Variants in SLC35E3 observed in about 807,000 individuals in gnomAD.
SLC35E3 encodes the protein solute carrier family 35 member E3.
SLC35E3 carries 28 observed loss-of-function variants against 30.8 expected under a neutral mutation model. That is an observed-to-expected ratio of 0.91 (90% CI 0.67 to 1.25). SLC35E3 has a LOEUF of 1.25. SLC35E3 is among the 50% of genes most tolerant of loss of function. The pLI is 0.00. For missense variants in SLC35E3, 365 were observed against 375.4 expected, an observed-to-expected ratio of 0.97 and a Z score of 0.23; for synonymous variants, 146 against 149.2, an observed-to-expected ratio of 0.98 and a Z score of 0.16.
In SLC35E3 at chr12:68,766,278, GGA is replaced by G. The variant is rs1198257995; in HGVS notation, c.*1390_*1391del. 1 of 151,916 alleles carries G rather than the reference GGA, an allele frequency of 6.6e-6. No individual in the cohort carries two copies. The highest frequency in any genetic ancestry group is 1.9e-4 in the East Asian group (1 of 5,136). 9.4% of individuals were successfully genotyped at this position (151,916 alleles called of 1,614,324 possible). On this transcript the variant is annotated 3_prime_UTR_variant, in exon 5 of 5. Coordinates refer to ENST00000398004, the MANE Select transcript of SLC35E3 (RefSeq NM_018656.5). ...GAGGCAGGCAGATCACCTGAGGTTG[GGA>G]GTTCAAGACCAGTCTGACCAACATG...
intron 2 of SLC35E3, among the ~76,000 whole-genome samples, chr12:68,750,297 G>A (rs915505751): frequency 3.9e-5 from 6 of 152,212 alleles, no homozygotes; most frequent in African/African-American, 1.4e-4. Flanking sequence ...CAGGAGACTG[G>A]CCAATATAAG....
chr12:68,757,585 AAATT>A (rs1453452929), intron 3 of SLC35E3, among the ~76,000 whole-genome samples: 2 of 152,320 alleles, frequency 1.3e-5, no homozygotes, highest in African/African-American at 4.8e-5. Context: ...ATGTATGTGA[AAATT>A]AAATAAGTGA....
Position 68,771,867 on chromosome 12 carries a change from A to G in SLC35E3, c.*6977A>G, listed in dbSNP as rs1209111034. The G allele has an allele frequency of 6.6e-6, 1 of 152,244 alleles. No homozygotes were observed. The highest frequency in any genetic ancestry group is 1.9e-4 in the East Asian group (1 of 5,196). 9.4% of individuals were successfully genotyped at this position (152,244 alleles called of 1,614,324 possible). ...ATCTTACTTCTCAGTTTCTTCACCT[A>G]TAAAATGAGGGCTTTGATCCAAATA... is the stretch of plus-strand genomic sequence containing the variant. On this transcript the variant is annotated 3_prime_UTR_variant, in exon 5 of 5. Transcript: ENST00000398004.
chr12:68,755,150 A>T (rs1471521428), intron 3 of SLC35E3, among the ~76,000 whole-genome samples: 1 of 152,134 alleles, frequency 6.6e-6, no homozygotes, highest in Non-Finnish European at 1.5e-5. Context: ...TATCATAGGG[A>T]CTAATCCCAT....
At chr12:68,748,927 T>G (rs1396284532) in intron 2 of SLC35E3, among the ~76,000 whole-genome samples, 1 of 152,228 alleles carries the variant, frequency 6.6e-6, no homozygotes, top group African/African-American at 2.4e-5. Context: ...CTAGTAGTGA[T>G]CATGTCAGAG....
At chr12:68,752,222 C>G (rs1878830220) in intron 3 of SLC35E3, 32 bp downstream of exon 3, 1 of 1,563,252 alleles carries the variant, frequency 6.4e-7, no homozygotes, top group Admixed American at 2.0e-5. Context: ...ATCTAAGAAA[C>G]AGTATAATAA....
intron 4 of SLC35E3, chr12:68,760,263 C>T (rs1223807102): frequency 6.6e-6 from 1 of 152,240 alleles, no homozygotes; most frequent in African/African-American, 2.4e-5. Context: ...CATCCTGTTT[C>T]TCTTCACATT....
chr12:68,762,697 G>C (rs1414187620), intron 4 of SLC35E3, among the ~76,000 whole-genome samples: 2 of 152,214 alleles, frequency 1.3e-5, no homozygotes, highest in Non-Finnish European at 2.9e-5. Flanking sequence ...GAGGAGTAAA[G>C]AAATTTAAAG....
chr12:68,748,975 C>A (rs78600023), intron 2 of SLC35E3, among the ~76,000 whole-genome samples: 2,731 of 152,318 alleles, frequency 0.018, 41 homozygotes, highest in Non-Finnish European at 0.028. Context: ...AATACATTTT[C>A]TAGTGGCAGA....
chr12:68,752,514 T>G (rs1261952902), intron 3 of SLC35E3, among the ~76,000 whole-genome samples: 1 of 152,224 alleles, frequency 6.6e-6, no homozygotes, highest in Non-Finnish European at 1.5e-5. Flanking sequence ...AGTTAAATTT[T>G]TTTACAATGA....
At position 68,749,750 on chromosome 12, in the gene SLC35E3, T is replaced by C. The variant is rs142189839; in HGVS notation, c.513+1710T>C. Among the ~76,000 whole-genome samples, 393 of 152,252 alleles carry C rather than the reference T, an allele frequency of 2.6e-3. 1 individual carries two copies. Among genetic ancestry groups the C allele is most frequent in the African/African-American group, 8.8e-3 (366 of 41,544 alleles). ...GACAGCTGGTCTTTTCCTTGCAGTG[T>C]GTGTGAAAGTCTGGAGCATTTTTGG... On this transcript the variant is annotated intron_variant, in intron 2 of 4. Coordinates refer to ENST00000398004, the MANE Select transcript of SLC35E3 (RefSeq NM_018656.5).
chr12:68,753,666 G>T (rs1282410689), intron 3 of SLC35E3, among the ~76,000 whole-genome samples: 1 of 151,616 alleles, frequency 6.6e-6, no homozygotes, highest in Non-Finnish European at 1.5e-5. Flanking sequence ...CTTTTCCCCA[G>T]CCTTCCTAGC....
chr12:68,759,838 A>G (rs533661980), intron 4 of SLC35E3, among the ~76,000 whole-genome samples: 2 of 152,194 alleles, frequency 1.3e-5, no homozygotes, highest in Non-Finnish European at 2.9e-5. Context: ...TCTTACAGAC[A>G]GTGAGATTAA....
Position 68,746,695 on chromosome 12 carries a change from C to A in SLC35E3, c.318C>A (p.Ala106=). The A allele has an allele frequency of 1.2e-6, 2 of 1,614,218 alleles. No individual in the cohort carries two copies. Among genetic ancestry groups the A allele is most frequent in the African/African-American group, 2.7e-5 (2 of 75,062 alleles). Residue 106 remains alanine, a synonymous_variant, in exon 1 of 5, where the codon GCC becomes GCA. Coordinates refer to ENST00000398004, the MANE Select transcript of SLC35E3 (RefSeq NM_018656.5). ...ACACCATAGGCACCTATCAGCTGGC[C>A]AAGGCCATGACCACGCCGGTGATCA... is the stretch of plus-strand genomic sequence containing the variant. ...QNNTIGTYQL[A]KAMTTPVIIA...
At chr12:68,747,817 A>G in intron 1 of SLC35E3, 113 bp from the exon 2 acceptor site, 1 of 587,620 alleles carries the variant, frequency 1.7e-6, no homozygotes, top group Non-Finnish European at 3.0e-6. Flanking sequence ...ATACAGGTTC[A>G]TTGTTTCCCA....
intron 4 of SLC35E3, among the ~76,000 whole-genome samples, chr12:68,763,551 G>T (rs181099168): frequency 6.6e-6 from 1 of 151,996 alleles, no homozygotes; most frequent in Non-Finnish European, 1.5e-5. Flanking sequence ...CACCACGCCC[G>T]GCTAATTTTG....
At chr12:68,764,619 TG>T (rs1345074768) in intron 4 of SLC35E3, 84 bp from the exon 5 acceptor site, 1 of 1,291,924 alleles carries the variant, frequency 7.7e-7, no homozygotes, top group African/African-American at 1.5e-5. Flanking sequence ...GGGCTGCTTT[TG>T]GGTTGTTTTA....
At position 68,777,644 on chromosome 12, in the gene SLC35E3, C is replaced by T. The variant is rs1879779793; in HGVS notation, c.*12754C>T. The T allele has an allele frequency of 6.6e-6, 1 of 152,228 alleles. No individual in the cohort carries two copies. The highest frequency in any genetic ancestry group is 6.5e-5 in the Admixed American group (1 of 15,274). The allele number at this position is 152,228 out of a possible 1,614,324, so 9.4% of individuals were successfully genotyped here. On this transcript the variant is annotated 3_prime_UTR_variant, in exon 5 of 5. Coordinates refer to ENST00000398004, the MANE Select transcript of SLC35E3 (RefSeq NM_018656.5). ...AGTGGGACAGTCTGAATTTCCCCACCCTCAGGTGTCAGAGAATCAGAGGAA... is the reference window on the plus strand; with the variant it reads ...AGTGGGACAGTCTGAATTTCCCCACTCTCAGGTGTCAGAGAATCAGAGGAA...
Position 68,776,224 on chromosome 12 carries a change from A to AAAAAAAAAAAAAAAAAAAAAAAAG in SLC35E3, c.*11336_*11337insAAAAAAAAAAAAAAAAAAAAAGAA. On this transcript the variant is annotated 3_prime_UTR_variant, in exon 5 of 5. Transcript: ENST00000398004. ...AAACTCTGTCTCACAAAAAAAAAAA[A>AAAAAAAAAAAAAAAAAAAAAAAAG]AAGGCCAGGCATGATGACTCACGCC... The AAAAAAAAAAAAAAAAAAAAAAAAG allele has an allele frequency of 7.1e-6, 1 of 140,544 alleles. No individual in the cohort carries two copies. Among genetic ancestry groups the AAAAAAAAAAAAAAAAAAAAAAAAG allele is most frequent in the Non-Finnish European group, 1.5e-5 (1 of 64,792 alleles). 8.7% of individuals were successfully genotyped at this position (140,544 alleles called of 1,614,324 possible). A position where few individuals can be genotyped will look rare whatever the true frequency, so the allele number is the denominator to read the frequency against.
Sources: gnomAD v4.1 joint callset for allele counts (sites outside exome capture counted in the v4.1 genomes callset) on GRCh38, gnomAD v4.1.1 for gene constraint, MANE v1.5 for transcripts, NCBI Gene and HGNC (gene_info 2026-07-23, HGNC 2026-07-21) for gene names.